Variants in TAFA4 observed in about 807,000 individuals in gnomAD.
TAFA4 encodes the protein TAFA chemokine like family member 4.
Under a neutral mutation model 21.1 loss-of-function variants are expected in TAFA4, and 20 were observed. That is an observed-to-expected ratio of 0.95 (90% CI 0.67 to 1.38). The LOEUF (loss-of-function observed/expected upper bound fraction) is 1.38, where lower values mean the gene tolerates loss of function less well. Ranked by LOEUF, TAFA4 falls within the 40% of genes most tolerant of loss-of-function variation. The probability of loss-of-function intolerance (pLI) is 0.00; values close to 1 mark genes in which losing one functional copy is unlikely to be tolerated. For synonymous variants in TAFA4, 71 were observed against 67.4 expected (o/e 1.05, Z -0.26); for missense variants, 211 against 180.9 (o/e 1.17, Z -0.95).
intron 3 of TAFA4, among the ~76,000 whole-genome samples, chr3:68,838,225 T>G (rs1478893409): frequency 6.6e-6 from 1 of 152,230 alleles, no homozygotes; most frequent in Non-Finnish European, 1.5e-5. Context: ...GAACTCATTC[T>G]TCCTGTCTAA....
chr3:68,746,966 C>T (rs774901110), intron 4 of TAFA4, among the ~76,000 whole-genome samples: 5 of 152,174 alleles, frequency 3.3e-5, no homozygotes, highest in South Asian at 2.1e-4. Flanking sequence ...CTACATGCTA[C>T]ACACCAGTAG....
intron 3 of TAFA4, among the ~76,000 whole-genome samples, chr3:68,842,445 C>T (rs1425159182): frequency 6.6e-6 from 1 of 152,012 alleles, no homozygotes; most frequent in African/African-American, 2.4e-5. Context: ...GGATATTAGC[C>T]CTTTGTCAGG....
chr3:68,737,151 C>A (rs1054676260), intron 5 of TAFA4, among the ~76,000 whole-genome samples: 1 of 152,096 alleles, frequency 6.6e-6, no homozygotes, highest in African/African-American at 2.4e-5. Flanking sequence ...CAAATATAAT[C>A]TTCCAAAATA....
chr3:68,811,190 A>G, intron 3 of TAFA4, among the ~76,000 whole-genome samples: 1 of 152,206 alleles, frequency 6.6e-6, no homozygotes, highest in East Asian at 1.9e-4. Context: ...ATCATCAAAG[A>G]CCAAAGGGTA....
chr3:68,842,900 G>T (rs2106896725), intron 3 of TAFA4, among the ~76,000 whole-genome samples: 1 of 152,276 alleles, frequency 6.6e-6, no homozygotes, highest in South Asian at 2.1e-4. Flanking sequence ...CTATGTATCT[G>T]CTTTGGTACC....
chr3:68,828,856 G>A (rs1429420126), intron 3 of TAFA4, among the ~76,000 whole-genome samples: 4 of 152,122 alleles, frequency 2.6e-5, no homozygotes, highest in African/African-American at 7.2e-5. Flanking sequence ...TTTCCTAATT[G>A]AATATGCTTT....
chr3:68,733,258 T>TTTG (rs1333172967), intron 5 of TAFA4, 105 bp from the exon 6 acceptor site: 2 of 1,420,398 alleles, frequency 1.4e-6, no homozygotes, highest in African/African-American at 2.9e-5. Flanking sequence ...ACTTTATCAG[T>TTTG]TTGTACATTT....
intron 4 of TAFA4, among the ~76,000 whole-genome samples, chr3:68,742,122 C>T (rs1702367880): frequency 6.6e-6 from 1 of 152,138 alleles, no homozygotes; most frequent in South Asian, 2.1e-4. Flanking sequence ...ATCATATGGT[C>T]ATCTCCTGCA....
At chr3:68,805,657 G>C (rs1703679269) in intron 3 of TAFA4, among the ~76,000 whole-genome samples, 1 of 152,156 alleles carries the variant, frequency 6.6e-6, no homozygotes, top group African/African-American at 2.4e-5. Context: ...CCTTTATAGG[G>C]ACATGGATGA....
chr3:68,856,452 A>G (rs888744373), intron 3 of TAFA4, among the ~76,000 whole-genome samples: 6 of 152,016 alleles, frequency 3.9e-5, no homozygotes, highest in Non-Finnish European at 7.4e-5. Flanking sequence ...ATATTCCCAA[A>G]CGCTTTACCT....
At chr3:68,779,819 C>T (rs1232809122) in intron 3 of TAFA4, among the ~76,000 whole-genome samples, 2 of 152,188 alleles carry the variant, frequency 1.3e-5, no homozygotes, top group African/African-American at 4.8e-5. Context: ...CACACAGAGT[C>T]TCTACTGGGG....
intron 3 of TAFA4, among the ~76,000 whole-genome samples, chr3:68,806,781 A>T (rs749987894): frequency 1.3e-5 from 2 of 152,104 alleles, no homozygotes; most frequent in Admixed American, 1.3e-4. Context: ...ACTCTCTACC[A>T]TGAGAAAAAA....
At chr3:68,802,615 C>T (rs1254873285) in intron 3 of TAFA4, among the ~76,000 whole-genome samples, 3 of 152,010 alleles carry the variant, frequency 2.0e-5, no homozygotes, top group Non-Finnish European at 2.9e-5. Flanking sequence ...CGGCAGATGG[C>T]CTGAAGTTAT....
chr3:68,827,882 T>C (rs1365701795), intron 3 of TAFA4, among the ~76,000 whole-genome samples: 4 of 152,328 alleles, frequency 2.6e-5, no homozygotes, highest in Middle Eastern at 6.8e-3. Flanking sequence ...GCTCTTTGGT[T>C]TAATTAGATC....
intron 3 of TAFA4, among the ~76,000 whole-genome samples, chr3:68,787,189 T>C (rs1703276861): frequency 6.6e-6 from 1 of 152,162 alleles, no homozygotes; most frequent in African/African-American, 2.4e-5. Flanking sequence ...AGCAGGTGTT[T>C]GCAGGTATCA....
At chr3:68,808,064 G>A (rs1341680842) in intron 3 of TAFA4, among the ~76,000 whole-genome samples, 1 of 152,090 alleles carries the variant, frequency 6.6e-6, no homozygotes, top group Non-Finnish European at 1.5e-5. Context: ...AACAGTAAAG[G>A]AAGTGCTACA....
At chr3:68,796,970 A>T (rs1703464661) in intron 3 of TAFA4, among the ~76,000 whole-genome samples, 1 of 152,236 alleles carries the variant, frequency 6.6e-6, no homozygotes, top group African/African-American at 2.4e-5. Flanking sequence ...ACTATCAAAA[A>T]AAAGTAAATA....
intron 3 of TAFA4, among the ~76,000 whole-genome samples, chr3:68,783,719 A>C (rs1044496009): frequency 1.4e-5 from 2 of 141,528 alleles, no homozygotes; most frequent in Non-Finnish European, 3.1e-5. Flanking sequence ...AAGAAAAAGA[A>C]AGAAAGAAAG....
chr3:68,803,297 TGG>T (rs1346744481), intron 3 of TAFA4, among the ~76,000 whole-genome samples: 10 of 152,190 alleles, frequency 6.6e-5, no homozygotes, highest in Non-Finnish European at 1.5e-4. Flanking sequence ...TTCTACAGAA[TGG>T]GTTTGAAACT....
Sources: allele counts gnomAD v4.1 joint callset (sites outside exome capture counted in the v4.1 genomes callset), GRCh38; gene constraint gnomAD v4.1.1; transcripts MANE v1.5; gene names NCBI Gene and HGNC (gene_info 2026-07-23, HGNC 2026-07-21).